Variants in MCOLN2 observed in about 807,000 individuals in gnomAD.
MCOLN2 encodes the protein mucolipin TRP cation channel 2, also known as mucolipin-2.
In MCOLN2, 57 loss-of-function variants were observed where a neutral mutation model predicts 67.5. That is an observed-to-expected ratio of 0.84 (90% confidence interval 0.68 to 1.05). MCOLN2 has a LOEUF of 1.05. MCOLN2 is among the 50% of genes least tolerant of loss of function. The pLI is 0.00. For synonymous variants in MCOLN2, 246 were observed against 233.3 expected, an observed-to-expected ratio of 1.05 and a Z score of -0.50; for missense variants, 620 against 678.8, an observed-to-expected ratio of 0.91 and a Z score of 0.96.
rs12403732 is a variant in MCOLN2 at position 84,942,061 on chromosome 1, T to A, written c.848-1070A>T. ...ACCTCAGGGACTTTGCACATGCTGA[T>A]CTGTCTGCCTGGAACAGCACTTCTC... On this transcript the variant is annotated intron_variant, in intron 7 of 13. Coordinates refer to ENST00000370608, the MANE Select transcript of MCOLN2 (RefSeq NM_153259.4). 5.4e-3 allele frequency among the ~76,000 whole-genome samples: 822 copies of A among 152,324 alleles called. 20 individuals are homozygous for A. Among genetic ancestry groups the A allele is most frequent in the Admixed American group, 0.046 (698 of 15,296 alleles).
chr1:84,981,417 A>T (rs186264374), intron 1 of MCOLN2, among the ~76,000 whole-genome samples: 1 of 152,240 alleles, frequency 6.6e-6, no homozygotes, highest in Non-Finnish European at 1.5e-5. Flanking sequence ...TATGTCCATC[A>T]GCAGAAGAAT....
chr1:84,936,453 A>G (rs1647435784), intron 11 of MCOLN2, among the ~76,000 whole-genome samples: 1 of 152,204 alleles, frequency 6.6e-6, no homozygotes, highest in Non-Finnish European at 1.5e-5. Flanking sequence ...TGAGGCAAGC[A>G]AGGAAGAAAA....
chr1:84,973,041 T>A (rs553988266), intron 1 of MCOLN2, among the ~76,000 whole-genome samples: 1 of 152,322 alleles, frequency 6.6e-6, no homozygotes, highest in East Asian at 1.9e-4. Context: ...CAAGGACGTA[T>A]GCAAGACCAT....
chr1:84,985,493 T>C (rs1276862182), intron 1 of MCOLN2, among the ~76,000 whole-genome samples: 4 of 152,112 alleles, frequency 2.6e-5, no homozygotes, highest in African/African-American at 7.2e-5. Context: ...CTCCAGCAAA[T>C]CTCTCTCTTG....
intron 1 of MCOLN2, 136 bp from the exon 2 acceptor site, chr1:84,965,844 T>TA: frequency 1.6e-6 from 1 of 620,946 alleles, no homozygotes; most frequent in Non-Finnish European, 2.5e-6. Flanking sequence ...GAACACAAAA[T>TA]AAAAAAGCAA....
intron 2 of MCOLN2, among the ~76,000 whole-genome samples, chr1:84,964,764 C>A (rs1444165920): frequency 6.6e-6 from 1 of 152,150 alleles, no homozygotes; most frequent in African/African-American, 2.4e-5. Flanking sequence ...GCACCTAGAT[C>A]CTTCGCATGT....
chr1:84,982,921 T>C (rs941897026), intron 1 of MCOLN2, among the ~76,000 whole-genome samples: 2 of 152,180 alleles, frequency 1.3e-5, no homozygotes, highest in African/African-American at 2.4e-5. Flanking sequence ...TTTCACTGCG[T>C]TGGCCAGGCT....
chr1:84,959,685 A>ATT (rs1259540484), intron 2 of MCOLN2, among the ~76,000 whole-genome samples: 1 of 152,080 alleles, frequency 6.6e-6, no homozygotes, highest in Non-Finnish European at 1.5e-5. Flanking sequence ...TCCCTAAGTG[A>ATT]TTTCTTCAGC....
intron 1 of MCOLN2, among the ~76,000 whole-genome samples, chr1:84,995,383 A>G (rs1191118136): frequency 6.6e-6 from 1 of 152,222 alleles, no homozygotes; most frequent in African/African-American, 2.4e-5. Flanking sequence ...AGCAAAGAAC[A>G]ATAAAACAAG....
At chr1:84,967,931 C>T in intron 1 of MCOLN2, among the ~76,000 whole-genome samples, 1 of 152,086 alleles carries the variant, frequency 6.6e-6, no homozygotes, top group East Asian at 1.9e-4. Flanking sequence ...AGATACAATA[C>T]ATTCTTCTTG....
chr1:84,996,270 A>G (rs187514871), intron 1 of MCOLN2, among the ~76,000 whole-genome samples: 82 of 151,274 alleles, frequency 5.4e-4, no homozygotes, highest in African/African-American at 2.0e-3. Flanking sequence ...CCCATAAGAA[A>G]CCTCTCCCAC....
At chr1:84,980,013 G>T (rs112813156) in intron 1 of MCOLN2, among the ~76,000 whole-genome samples, 4 of 152,144 alleles carry the variant, frequency 2.6e-5, no homozygotes, top group African/African-American at 9.7e-5. Context: ...AAAATCAGTA[G>T]CATTTCTATG....
intron 7 of MCOLN2, 111 bp from the exon 8 acceptor site, chr1:84,941,102 T>C (rs1214696187): frequency 7.4e-6 from 5 of 672,942 alleles, no homozygotes; most frequent in African/African-American, 3.6e-5. Context: ...TGTCTATTGT[T>C]AAAACAAAAT....
intron 1 of MCOLN2, among the ~76,000 whole-genome samples, chr1:84,978,660 C>T (rs920586804): frequency 1.3e-5 from 2 of 152,046 alleles, no homozygotes; most frequent in Non-Finnish European, 2.9e-5. Flanking sequence ...AAATCCAAAA[C>T]CTGAATAGAC....
intron 7 of MCOLN2, among the ~76,000 whole-genome samples, chr1:84,944,053 C>T (rs1570966338): frequency 6.6e-6 from 1 of 152,094 alleles, no homozygotes; most frequent in African/African-American, 2.4e-5. Flanking sequence ...CATCTAGTAC[C>T]TTCCTTTCTG....
intron 1 of MCOLN2, among the ~76,000 whole-genome samples, chr1:84,974,733 T>C (rs1649912810): frequency 6.6e-6 from 1 of 151,976 alleles, no homozygotes; most frequent in African/African-American, 2.4e-5. Flanking sequence ...AGTGGGCTCC[T>C]GGAGTCCCCA....
intron 13 of MCOLN2, among the ~76,000 whole-genome samples, chr1:84,928,525 T>G (rs74783931): frequency 0.037 from 5,610 of 152,342 alleles, 166 homozygotes; most frequent in Middle Eastern, 0.15. Context: ...TTAGAATTCA[T>G]GACTACATTT....
chr1:84,952,096 GAA>G, intron 6 of MCOLN2, 145 bp downstream of exon 6: 1 of 548,834 alleles, frequency 1.8e-6, no homozygotes, highest in South Asian at 2.5e-5. Context: ...TAGAAAAAAA[GAA>G]AAGAGTATCA....
In MCOLN2 at chr1:84,925,757, A is replaced by G. The variant is rs1661127091; in HGVS notation, c.*928T>C. ...ATTAGCACAAGTGACGAGGCAGCCA[A>G]ATGATTCCATTTCTTATTTATCCCA... On this transcript the variant is annotated 3_prime_UTR_variant, in exon 14 of 14. Coordinates refer to ENST00000370608, the MANE Select transcript of MCOLN2 (RefSeq NM_153259.4). 6.6e-6 allele frequency: 1 copy of G among 152,210 alleles called. No homozygotes were observed. Among genetic ancestry groups the G allele is most frequent in the African/African-American group, 2.4e-5 (1 of 41,448 alleles). The allele number at this position is 152,210 out of a possible 1,614,324, so 9.4% of individuals were successfully genotyped here. A position where few individuals can be genotyped will look rare whatever the true frequency, so the allele number is the denominator to read the frequency against.
Sources: gnomAD v4.1 joint callset for allele counts (sites outside exome capture counted in the v4.1 genomes callset) on GRCh38, gnomAD v4.1.1 for gene constraint, MANE v1.5 for transcripts, NCBI Gene and HGNC (gene_info 2026-07-23, HGNC 2026-07-21) for gene names.